The following SLC24A2 variants were observed in gnomAD, a reference collection of about 807,000 sequenced individuals.
The protein encoded by SLC24A2 is solute carrier family 24 member 2.
SLC24A2 carries 36 observed loss-of-function variants against 62.0 expected under a neutral mutation model. The observed-to-expected ratio is 0.58, with a 90% CI of 0.44 to 0.77. The LOEUF is 0.77. Ranked by LOEUF, SLC24A2 falls within the 30% of genes least tolerant of loss-of-function variation. The pLI, the probability that SLC24A2 is intolerant of heterozygous loss-of-function variation, is 0.00. For synonymous variants in SLC24A2, 358 were observed against 294.0 expected (o/e 1.22, Z -2.23); for missense variants, 846 against 817.9 (o/e 1.03, Z -0.42).
chr9:20,276,136 A>C, the SLC24A2 span, among the ~76,000 whole-genome samples: 1 of 152,280 alleles, frequency 6.6e-6, no homozygotes, highest in African/African-American at 2.4e-5. Context: ...GTCTTAACTC[A>C]TTTCAGCCTT....
intron 7 of SLC24A2, among the ~76,000 whole-genome samples, chr9:19,563,494 G>T (rs1006212966): frequency 6.6e-6 from 1 of 152,112 alleles, no homozygotes; most frequent in African/African-American, 2.4e-5. Flanking sequence ...TAATATTTTA[G>T]GAAGAAAGAC....
chr9:19,941,556 A>AGTGTGT, the SLC24A2 span, among the ~76,000 whole-genome samples: 967 of 134,056 alleles, frequency 7.2e-3, 7 homozygotes, highest in Middle Eastern at 0.023. Context: ...GAGGACTGGG[A>AGTGTGT]GTGTGTGTGT....
intron 2 of SLC24A2, among the ~76,000 whole-genome samples, chr9:19,765,931 C>T (rs1203583034): frequency 1.3e-5 from 2 of 152,172 alleles, no homozygotes; most frequent in Non-Finnish European, 2.9e-5. Flanking sequence ...TTCCGGTATA[C>T]CAATCAAATG....
the SLC24A2 span, among the ~76,000 whole-genome samples, chr9:19,966,467 C>A: frequency 0.26 from 39,482 of 152,062 alleles, 5,879 homozygotes; most frequent in Admixed American, 0.39. Context: ...TTTCTTGTAG[C>A]TAAGCTAAAG....
At chr9:19,676,537 C>T (rs974711969) in intron 2 of SLC24A2, among the ~76,000 whole-genome samples, 2 of 151,964 alleles carry the variant, frequency 1.3e-5, no homozygotes, top group African/African-American at 4.8e-5. Flanking sequence ...TATTTTTTTT[C>T]CCACAATGGA....
the SLC24A2 span, among the ~76,000 whole-genome samples, chr9:20,155,332 G>A: frequency 1.6e-4 from 25 of 151,532 alleles, no homozygotes; most frequent in East Asian, 7.8e-4. Context: ...CTCCACTCAC[G>A]TATACACATA....
chr9:19,951,226 TTGTGTGTG>T, the SLC24A2 span, among the ~76,000 whole-genome samples: 321 of 146,072 alleles, frequency 2.2e-3, 1 homozygote, highest in African/African-American at 7.2e-3. Flanking sequence ...TTTTCTTAAG[TTGTGTGTG>T]TGTGTGTGTG....
At chr9:19,520,846 G>A (rs896159183) in intron 10 of SLC24A2, 48 bp downstream of exon 10, 2 of 1,581,494 alleles carry the variant, frequency 1.3e-6, no homozygotes, top group East Asian at 4.5e-5. Flanking sequence ...AGAAGACAAA[G>A]ACACTGGTGG....
At chr9:20,080,320 C>A in the SLC24A2 span, among the ~76,000 whole-genome samples, 2 of 152,170 alleles carry the variant, frequency 1.3e-5, no homozygotes, top group African/African-American at 4.8e-5. Flanking sequence ...AGAAATAATG[C>A]CGCATATCTG....
At chr9:20,018,036 T>G in the SLC24A2 span, among the ~76,000 whole-genome samples, 6 of 152,148 alleles carry the variant, frequency 3.9e-5, no homozygotes, top group Non-Finnish European at 7.3e-5. Flanking sequence ...AAACTCCACC[T>G]CCCGGGTTCA....
chr9:19,618,158 C>A (rs139001400), intron 4 of SLC24A2, among the ~76,000 whole-genome samples: 5 of 152,156 alleles, frequency 3.3e-5, no homozygotes, highest in African/African-American at 1.2e-4. Context: ...AAACCAAATA[C>A]TAGAGAGACC....
chr9:19,532,949 G>A (rs10964192), intron 8 of SLC24A2, among the ~76,000 whole-genome samples: 122,637 of 152,134 alleles, frequency 0.81, 49,798 homozygotes, highest in East Asian at 1. Flanking sequence ...TTTATTTTCA[G>A]TTTTCATCAA....
At chr9:20,155,039 T>C in the SLC24A2 span, among the ~76,000 whole-genome samples, 1 of 151,246 alleles carries the variant, frequency 6.6e-6, no homozygotes, top group Non-Finnish European at 1.5e-5. Context: ...ATGGTCACCA[T>C]TGGGTCAAAC....
chr9:19,878,708 C>T, the SLC24A2 span, among the ~76,000 whole-genome samples: 1 of 152,076 alleles, frequency 6.6e-6, no homozygotes, highest in East Asian at 1.9e-4. Context: ...CTGCTTGTTT[C>T]CCCTTTGCCT....
chr9:19,600,438 C>T (rs1836812593), intron 4 of SLC24A2, among the ~76,000 whole-genome samples: 1 of 152,154 alleles, frequency 6.6e-6, no homozygotes, highest in Admixed American at 6.5e-5. Flanking sequence ...TAACAACTCC[C>T]AATTGTCTCA....
At chr9:20,062,202 C>T in the SLC24A2 span, among the ~76,000 whole-genome samples, 1 of 152,134 alleles carries the variant, frequency 6.6e-6, no homozygotes, top group Non-Finnish European at 1.5e-5. Flanking sequence ...GCACCTTAGC[C>T]TGCGTGACAG....
the SLC24A2 span, among the ~76,000 whole-genome samples, chr9:20,288,420 C>G: frequency 0.18 from 27,400 of 151,358 alleles, 4,219 homozygotes; most frequent in African/African-American, 0.41. Flanking sequence ...GCCGGGGGTG[C>G]GGGAGGTGGG....
chr9:19,704,814 T>C (rs1218636021), intron 2 of SLC24A2, among the ~76,000 whole-genome samples: 1 of 152,002 alleles, frequency 6.6e-6, no homozygotes, highest in African/African-American at 2.4e-5. Context: ...TTTTTTTTTT[T>C]TTTAAGTAAG....
the SLC24A2 span, among the ~76,000 whole-genome samples, chr9:20,060,211 G>C: frequency 2.0e-5 from 3 of 152,044 alleles, no homozygotes; most frequent in Admixed American, 1.3e-4. Context: ...CTTTGCTGGT[G>C]AATTTTACCA....
Sources: gnomAD v4.1 joint callset for allele counts (sites outside exome capture counted in the v4.1 genomes callset) on GRCh38, gnomAD v4.1.1 for gene constraint, MANE v1.5 for transcripts, NCBI Gene and HGNC (gene_info 2026-07-23, HGNC 2026-07-21) for gene names.